AGMO: variants seen among roughly 807,000 people sequenced by gnomAD.
AGMO encodes alkylglycerol monooxygenase, also known as glyceryl-ether monooxygenase.
A neutral mutation model predicts 60.2 loss-of-function variants in AGMO; 75 were observed. That is an observed-to-expected ratio of 1.25 (90% CI 1.03 to 1.51). The LOEUF (loss-of-function observed/expected upper bound fraction) is 1.51. Ranked by LOEUF, AGMO falls within the 40% of genes most tolerant of loss-of-function variation. The pLI, the probability that AGMO is intolerant of heterozygous loss-of-function variation, is 0.00. For missense variants in AGMO, 763 were observed against 525.5 expected, an observed-to-expected ratio of 1.45 and a Z score of -4.42; for synonymous variants, 261 against 177.1, an observed-to-expected ratio of 1.47 and a Z score of -3.76.
At chr7:15,218,327 A>ATGTGTGTGTGTGTGTGTGTG (rs138890087) in intron 12 of AGMO, among the ~76,000 whole-genome samples, 12 of 143,930 alleles carry the variant, frequency 8.3e-5, no homozygotes, top group African/African-American at 2.6e-4. Flanking sequence ...TGGTGTGTGT[A>ATGTGTGTGTGTGTGTGTGTG]TGTGTGTGTG....
intron 3 of AGMO, among the ~76,000 whole-genome samples, chr7:15,504,957 G>C (rs928442686): frequency 6.6e-6 from 1 of 151,808 alleles, no homozygotes; most frequent in Admixed American, 6.6e-5. Context: ...AATATCATCA[G>C]TAATCATTCC....
intron 12 of AGMO, among the ~76,000 whole-genome samples, chr7:15,309,325 A>AAT (rs927113336): frequency 6.6e-6 from 1 of 152,158 alleles, no homozygotes; most frequent in Non-Finnish European, 1.5e-5. Flanking sequence ...AGTAGGTACC[A>AAT]ATAAAAAAGA....
chr7:15,256,258 G>C (rs568237271), intron 12 of AGMO, among the ~76,000 whole-genome samples: 1 of 152,354 alleles, frequency 6.6e-6, no homozygotes, highest in South Asian at 2.1e-4. Context: ...GTACAGTCAT[G>C]TACCACATAA....
At chr7:15,123,234 T>C in the AGMO span, among the ~76,000 whole-genome samples, 1 of 152,092 alleles carries the variant, frequency 6.6e-6, no homozygotes, top group African/African-American at 2.4e-5. Context: ...ATTCAACAGC[T>C]CACCCCTGAA....
Position 15,200,504 on chromosome 7 carries a change from T to C in AGMO, c.*781A>G, listed in dbSNP as rs1027715696. 2 of 152,262 alleles carry C rather than the reference T, an allele frequency of 1.3e-5. No homozygotes were observed. Among genetic ancestry groups the C allele is most frequent in the African/African-American group, 4.8e-5 (2 of 41,454 alleles). The allele number at this position is 152,262 out of a possible 1,614,324, so 9.4% of individuals were successfully genotyped here. On this transcript the variant is annotated 3_prime_UTR_variant, in exon 13 of 13. Coordinates refer to ENST00000342526, the MANE Select transcript of AGMO (RefSeq NM_001004320.2). ...TTCATTTTTCTTTCAGTGATGTCTTTTTTCTTTGAGACGGAGTCTCGCTCT... is the reference window on the plus strand; with the variant it reads ...TTCATTTTTCTTTCAGTGATGTCTTCTTTCTTTGAGACGGAGTCTCGCTCT...
the AGMO span, among the ~76,000 whole-genome samples, chr7:15,135,048 A>C: frequency 6.6e-6 from 1 of 151,600 alleles, no homozygotes; most frequent in Non-Finnish European, 1.5e-5. Flanking sequence ...TTTGTAGATA[A>C]GTAAATTTTA....
intron 3 of AGMO, among the ~76,000 whole-genome samples, chr7:15,542,979 G>C (rs1280955804): frequency 6.6e-6 from 1 of 152,090 alleles, no homozygotes; most frequent in East Asian, 1.9e-4. Context: ...TAACAGCCTT[G>C]AGCATAACAC....
At chr7:15,464,026 T>C (rs1056440599) in intron 3 of AGMO, among the ~76,000 whole-genome samples, 3 of 152,194 alleles carry the variant, frequency 2.0e-5, no homozygotes, top group African/African-American at 7.2e-5. Context: ...TATTGACCAA[T>C]CTCTTTCAAT....
At chr7:15,441,315 A>G (rs760074686) in intron 3 of AGMO, among the ~76,000 whole-genome samples, 1 of 152,230 alleles carries the variant, frequency 6.6e-6, no homozygotes, top group Non-Finnish European at 1.5e-5. Context: ...ACATTATAAA[A>G]TAATTATGAA....
chr7:15,222,439 T>A (rs534799936), intron 12 of AGMO, among the ~76,000 whole-genome samples: 1 of 152,198 alleles, frequency 6.6e-6, no homozygotes, highest in East Asian at 1.9e-4. Flanking sequence ...CTAGAGCGAT[T>A]GAGATTTCGT....
chr7:15,419,266 G>A (rs1414816676), intron 4 of AGMO, among the ~76,000 whole-genome samples: 3 of 151,802 alleles, frequency 2.0e-5, no homozygotes, highest in Non-Finnish European at 4.4e-5. Context: ...AAACAGAAAT[G>A]CCTCTTCCTT....
At chr7:15,445,385 C>T (rs574199992) in intron 3 of AGMO, among the ~76,000 whole-genome samples, 2 of 152,202 alleles carry the variant, frequency 1.3e-5, no homozygotes, top group South Asian at 2.1e-4. Context: ...TCTTCTATTT[C>T]AACAAAGTAT....
chr7:15,245,976 A>G (rs1224019074), intron 12 of AGMO, among the ~76,000 whole-genome samples: 1 of 152,170 alleles, frequency 6.6e-6, no homozygotes, highest in Non-Finnish European at 1.5e-5. Context: ...ATACAATGAA[A>G]CTGTCCAGTA....
At chr7:15,340,597 A>C (rs1373112453) in intron 12 of AGMO, among the ~76,000 whole-genome samples, 1 of 152,090 alleles carries the variant, frequency 6.6e-6, no homozygotes, top group Non-Finnish European at 1.5e-5. Context: ...CCAAGATACC[A>C]CTCAGGCAAT....
chr7:15,314,456 C>A (rs915157195), intron 12 of AGMO, among the ~76,000 whole-genome samples: 1 of 151,928 alleles, frequency 6.6e-6, no homozygotes, highest in Non-Finnish European at 1.5e-5. Flanking sequence ...ATTTTATATA[C>A]CTAATTCTTA....
chr7:15,309,319 G>A (rs1464013792), intron 12 of AGMO, among the ~76,000 whole-genome samples: 1 of 151,966 alleles, frequency 6.6e-6, no homozygotes, highest in Non-Finnish European at 1.5e-5. Context: ...TTTTTGAGTA[G>A]GTACCAATAA....
chr7:15,192,411 G>C, the AGMO span, among the ~76,000 whole-genome samples: 1 of 151,990 alleles, frequency 6.6e-6, no homozygotes, highest in African/African-American at 2.4e-5. Flanking sequence ...TGGTTGGAGA[G>C]ATCAGCCACA....
chr7:15,538,802 T>A (rs1355436909), intron 3 of AGMO, among the ~76,000 whole-genome samples: 1 of 152,176 alleles, frequency 6.6e-6, no homozygotes, highest in Admixed American at 6.5e-5. Context: ...ATGAATAACT[T>A]TAAATTTAAG....
chr7:15,372,132 G>A (rs1783243763), intron 10 of AGMO, among the ~76,000 whole-genome samples: 1 of 145,768 alleles, frequency 6.9e-6, no homozygotes, highest in Non-Finnish European at 1.5e-5. Flanking sequence ...ACTACTAAGG[G>A]AGATAATCAG....
Sources: allele counts gnomAD v4.1 joint callset (sites outside exome capture counted in the v4.1 genomes callset), GRCh38; gene constraint gnomAD v4.1.1; transcripts MANE v1.5; gene names NCBI Gene and HGNC (gene_info 2026-07-23, HGNC 2026-07-21).